The following DST variants were observed in gnomAD, a reference collection of about 807,000 sequenced individuals.
The protein encoded by DST is bullous pemphigoid antigen.
Under a neutral mutation model 875.2 loss-of-function variants are expected in DST, and 253 were observed. The ratio of observed to expected loss-of-function variants is 0.29; its 90% CI spans 0.26 to 0.32. The LOEUF is 0.32. DST is among the 10% of genes least tolerant of loss of function. The pLI, the probability that DST is intolerant of heterozygous loss-of-function variation, is 1.00. For missense variants in DST, 8,287 were observed against 9,111.6 expected, an observed-to-expected ratio of 0.91 and a Z score of 3.68; for synonymous variants, 3,124 against 3,197.1, an observed-to-expected ratio of 0.98 and a Z score of 0.77.
At chr6:56,834,336 T>C (rs1053587696) in intron 4 of DST, among the ~76,000 whole-genome samples, 6 of 152,222 alleles carry the variant, frequency 3.9e-5, no homozygotes, top group Non-Finnish European at 8.8e-5. Context: ...CGGTGGCTCA[T>C]GCCTGTAATC....
chr6:56,487,300 G>T (rs748965139), intron 86 of DST, 27 bp from the exon 87 acceptor site: 6 of 1,518,688 alleles, frequency 4.0e-6, no homozygotes, highest in Non-Finnish European at 5.3e-6. Context: ...AAAAAAATGC[G>T]AATTTCTTCT....
Position 56,670,646 on chromosome 6 carries a change from T to C in DST, c.1209A>G (p.Lys403=). Reference sequence around the variant, plus strand: ...AAAATACACAAATTCCATACCTGTATTTATGAATGATGGCATTAAATAATT... The same window carrying C: ...AAAATACACAAATTCCATACCTGTACTTATGAATGATGGCATTAAATAATT... ...DGKLFNAIIH[K]YRPDLIDMNT... is the part of the protein sequence containing the mutation. The change falls in exon 10 of 104, where the codon AAA becomes AAG. Residue 403 remains lysine (K), a synonymous_variant. Transcript: ENST00000680361. 1 of 1,577,470 alleles carries C rather than the reference T, an allele frequency of 6.3e-7. No homozygotes were observed. The highest frequency in any genetic ancestry group is 1.2e-5 in the South Asian group (1 of 84,632).
intron 36 of DST, among the ~76,000 whole-genome samples, chr6:56,624,192 T>C (rs1447357562): frequency 6.6e-6 from 1 of 152,122 alleles, no homozygotes; most frequent in African/African-American, 2.4e-5. Context: ...CAAAGAAGTA[T>C]ACCTCTCAGC....
At chr6:56,569,648 T>A (rs931036686) in intron 54 of DST, among the ~76,000 whole-genome samples, 1 of 152,122 alleles carries the variant, frequency 6.6e-6, no homozygotes, top group South Asian at 2.1e-4. Flanking sequence ...CACCTTTTTT[T>A]AAAAAAGCAA....
At chr6:56,784,187 G>C (rs537284609) in intron 4 of DST, among the ~76,000 whole-genome samples, 271 of 152,236 alleles carry the variant, frequency 1.8e-3, no homozygotes, top group African/African-American at 5.3e-3. Context: ...TTTGGTGAAT[G>C]TGACAATTAC....
At chr6:56,597,124 CA>C (rs1211130834) in intron 47 of DST, among the ~76,000 whole-genome samples, 1 of 151,944 alleles carries the variant, frequency 6.6e-6, no homozygotes, top group African/African-American at 2.4e-5. Context: ...CCTGTAGTCC[CA>C]GCTACTCAGG....
intron 4 of DST, among the ~76,000 whole-genome samples, chr6:56,736,514 C>T (rs1023275920): frequency 2.0e-5 from 3 of 152,170 alleles, no homozygotes; most frequent in Non-Finnish European, 4.4e-5. Context: ...TCCAGGGCTA[C>T]CTCTTTCTCC....
At chr6:56,885,312 T>C (rs1784221555) in intron 3 of DST, among the ~76,000 whole-genome samples, 1 of 152,218 alleles carries the variant, frequency 6.6e-6, no homozygotes, top group Non-Finnish European at 1.5e-5. Context: ...CTGCGTACAA[T>C]TCATGTGCCA....
At chr6:56,786,331 TAGTA>T (rs2099705485) in intron 4 of DST, among the ~76,000 whole-genome samples, 1 of 152,216 alleles carries the variant, frequency 6.6e-6, no homozygotes, top group African/African-American at 2.4e-5. Context: ...TATTAGCAGA[TAGTA>T]AGCCTGCATT....
At chr6:56,700,042 G>A (rs778873739) in intron 8 of DST, among the ~76,000 whole-genome samples, 7 of 152,216 alleles carry the variant, frequency 4.6e-5, no homozygotes, top group Non-Finnish European at 8.8e-5. Context: ...CAGGTTAGCA[G>A]CGGCCCAGGA....
In DST at chr6:56,511,233, A is replaced by G; in HGVS notation, c.18744T>C (p.Ala6248=). 6.3e-7 allele frequency: 1 copy of G among 1,591,446 alleles called. No homozygotes were observed. Among genetic ancestry groups the G allele is most frequent in the Admixed American group, 1.8e-5 (1 of 56,784 alleles). The stretch of plus-strand genomic sequence containing the variant: ...GAGAAATGGCTTCATCCAGTGCCAC[A>G]GCACGCTTTTTGACATCTTCTTTAA... ...SQIKEDVKKR[A]VALDEAISQS... is the part of the protein sequence containing the mutation. The change falls in exon 73 of 104, where the codon GCT becomes GCC. Residue 6248 remains alanine (A), a synonymous_variant. Transcript: ENST00000680361.
intron 3 of DST, among the ~76,000 whole-genome samples, chr6:56,865,012 C>T (rs1773227073): frequency 6.6e-6 from 1 of 152,086 alleles, no homozygotes; most frequent in African/African-American, 2.4e-5. Flanking sequence ...ATAAGGCCAC[C>T]AGACTATGTC....
At chr6:56,560,207 T>A in intron 58 of DST, 87 bp downstream of exon 58, 1 of 1,267,450 alleles carries the variant, frequency 7.9e-7, no homozygotes, top group Non-Finnish European at 1.0e-6. Flanking sequence ...TAAGTGACTG[T>A]TGAATGTTTT....
chr6:56,918,123 T>C (rs1271624204), intron 2 of DST, among the ~76,000 whole-genome samples: 5 of 142,994 alleles, frequency 3.5e-5, no homozygotes, highest in Non-Finnish European at 7.5e-5. Flanking sequence ...GTGTACATTC[T>C]TTTTTTTTTC....
At position 56,640,230 on chromosome 6, in the gene DST, C is replaced by T; in HGVS notation, c.2403G>A (p.Lys801=). 3.1e-6 allele frequency: 5 copies of T among 1,614,128 alleles called. 1 individual carries two copies. Among genetic ancestry groups the T allele is most frequent in the Middle Eastern group, 3.3e-4 (2 of 6,062 alleles). ...KLMQIRKPLL[K]SSLLDQNLTE... is the part of the protein sequence containing the mutation. Reference sequence around the variant, plus strand: ...TTAAATTTTGATCCAGCAAAGAAGACTTTAGAAGGGGTTTTCGGATCTGCA... The same window carrying T: ...TTAAATTTTGATCCAGCAAAGAAGATTTTAGAAGGGGTTTTCGGATCTGCA... The change falls in exon 18 of 104, where the codon AAG becomes AAA. Residue 801 remains lysine (K), a synonymous_variant. Coordinates refer to ENST00000680361, the MANE Select transcript of DST (RefSeq NM_001374736.1).
Position 56,529,665 on chromosome 6 carries a change from C to T in DST, c.17378G>A (p.Ser5793Asn), listed in dbSNP as rs369521830. The T allele has an allele frequency of 4.9e-5, 79 of 1,613,770 alleles. 2 individuals are homozygous for T. In the African/African-American group the frequency reaches 6.9e-4, roughly 14 times the overall value. ...CCATACTTGAGAGAAGTCTAATTTA[C>T]TCTGCACCATATCTTTATCCTCCCT... is the stretch of plus-strand genomic sequence containing the variant. ...SSREDKDMVQSKLDFSQVWYI... is the reference protein window; with the variant it reads ...SSREDKDMVQNKLDFSQVWYI... The change falls in exon 66 of 104, where the codon AGT (serine) becomes AAT (asparagine). Residue 5793 changes from serine to asparagine, a missense_variant. Physicochemically the swap from Ser to Asn is conservative, Grantham distance 46. This residue lies in a region of DST where 777 missense variants were observed against 764.8 expected (regional missense o/e 1.02). Transcript: ENST00000680361.
chr6:56,515,337 G>A (rs990374797), intron 72 of DST, 113 bp downstream of exon 72: 16 of 1,174,780 alleles, frequency 1.4e-5, no homozygotes, highest in African/African-American at 4.6e-5. Flanking sequence ...ACCAGAACAC[G>A]GTATTCTAAA....
chr6:56,820,372 A>G (rs1304520585), intron 4 of DST, among the ~76,000 whole-genome samples: 10 of 152,218 alleles, frequency 6.6e-5, no homozygotes, highest in Non-Finnish European at 1.3e-4. Context: ...AATTTTCACA[A>G]TTGTGTTAGC....
intron 87 of DST, among the ~76,000 whole-genome samples, chr6:56,486,390 ATTTTTTC>A (rs2095568045): frequency 1.9e-4 from 27 of 141,078 alleles, no homozygotes; most frequent in Non-Finnish European, 3.2e-4. Flanking sequence ...AAAAAAAAGG[ATTTTTTC>A]AAAACTAACA....
Sources: allele counts gnomAD v4.1 joint callset (sites outside exome capture counted in the v4.1 genomes callset), GRCh38; gene constraint gnomAD v4.1.1; regional missense constraint gnomAD v4.1.1; transcripts MANE v1.5; gene names NCBI Gene and HGNC (gene_info 2026-07-23, HGNC 2026-07-21).